Variants in SCHIP1 observed in about 807,000 individuals in gnomAD.
SCHIP1 encodes the protein schwannomin interacting protein 1.
In SCHIP1, 8 loss-of-function variants were observed where a neutral mutation model predicts 29.7. The ratio of observed to expected loss-of-function variants is 0.27; its 90% CI spans 0.16 to 0.49. The LOEUF is 0.49. SCHIP1 is among the 20% of genes least tolerant of loss of function. The pLI is 0.99. For synonymous variants in SCHIP1, 76 were observed against 94.9 expected, an observed-to-expected ratio of 0.80 and a Z score of 1.16; for missense variants, 193 against 294.6, an observed-to-expected ratio of 0.66 and a Z score of 2.52.
the SCHIP1 span, among the ~76,000 whole-genome samples, chr3:159,671,217 C>T: frequency 6.6e-6 from 1 of 152,158 alleles, no homozygotes; most frequent in African/African-American, 2.4e-5. Context: ...CATTTTTGCA[C>T]AACCTATTCT....
At chr3:159,411,868 T>C in the SCHIP1 span, among the ~76,000 whole-genome samples, 3 of 152,176 alleles carry the variant, frequency 2.0e-5, no homozygotes, top group East Asian at 5.8e-4. Flanking sequence ...AGACCAATAT[T>C]GTGATATATT....
chr3:159,348,629 G>A, the SCHIP1 span, among the ~76,000 whole-genome samples: 7 of 151,984 alleles, frequency 4.6e-5, no homozygotes, highest in South Asian at 4.1e-4. Flanking sequence ...TATATATTCC[G>A]TCAGAAATGC....
chr3:159,527,590 T>C, the SCHIP1 span, among the ~76,000 whole-genome samples: 9 of 152,232 alleles, frequency 5.9e-5, no homozygotes, highest in Admixed American at 4.6e-4. Flanking sequence ...TATAAGACTA[T>C]TAGAAGCTTT....
the SCHIP1 span, among the ~76,000 whole-genome samples, chr3:159,610,439 G>A: frequency 2.6e-5 from 4 of 152,034 alleles, no homozygotes; most frequent in African/African-American, 7.2e-5. Context: ...TTTCCAAGTC[G>A]GATTCAATAT....
At chr3:159,368,895 A>G in the SCHIP1 span, among the ~76,000 whole-genome samples, 4 of 152,222 alleles carry the variant, frequency 2.6e-5, no homozygotes, top group Non-Finnish European at 5.9e-5. Flanking sequence ...GAGTGTAACC[A>G]AATTAATACA....
At chr3:159,381,010 G>A in the SCHIP1 span, among the ~76,000 whole-genome samples, 1 of 152,196 alleles carries the variant, frequency 6.6e-6, no homozygotes, top group Non-Finnish European at 1.5e-5. Context: ...GCAAATAAGT[G>A]TCACCTTCAT....
At chr3:159,854,057 T>C (rs1472967703) in intron 1 of SCHIP1, among the ~76,000 whole-genome samples, 1 of 152,210 alleles carries the variant, frequency 6.6e-6, no homozygotes, top group Non-Finnish European at 1.5e-5. Context: ...TACAAGTATA[T>C]GCTTATCTGT....
At chr3:159,647,052 G>T in the SCHIP1 span, among the ~76,000 whole-genome samples, 1 of 152,024 alleles carries the variant, frequency 6.6e-6, no homozygotes, top group Non-Finnish European at 1.5e-5. Flanking sequence ...TAGGAGATAA[G>T]GTAACCGAAA....
At chr3:159,591,548 G>GA in the SCHIP1 span, among the ~76,000 whole-genome samples, 1 of 152,142 alleles carries the variant, frequency 6.6e-6, no homozygotes, top group African/African-American at 2.4e-5. Flanking sequence ...ACTGGATACA[G>GA]AAAATGTGGC....
rs1409032229 is a variant in SCHIP1 at position 159,887,914 on chromosome 3, C to T, written c.465+9C>T. 2.5e-6 allele frequency: 4 copies of T among 1,613,712 alleles called. No individual in the cohort carries two copies. The highest frequency in any genetic ancestry group is 1.7e-5 in the Admixed American group (1 of 59,970). ...CTCCCGTCGCTGATCTTGTAAGCAGCAAAGGCTGAAATGCAAGGAAGTGTT... is the reference window on the plus strand; with the variant it reads ...CTCCCGTCGCTGATCTTGTAAGCAGTAAAGGCTGAAATGCAAGGAAGTGTT... On this transcript the variant is annotated intron_variant, in intron 4 of 6. Transcript: ENST00000445224.
the SCHIP1 span, among the ~76,000 whole-genome samples, chr3:159,500,649 G>A: frequency 6.6e-6 from 1 of 151,760 alleles, no homozygotes; most frequent in African/African-American, 2.4e-5. Context: ...GGGAGGCAGA[G>A]CTTGCAGTGA....
chr3:159,394,698 G>C, the SCHIP1 span, among the ~76,000 whole-genome samples: 1 of 152,134 alleles, frequency 6.6e-6, no homozygotes, highest in Non-Finnish European at 1.5e-5. Flanking sequence ...TTTTTGATGT[G>C]CTGCTGGATT....
chr3:159,481,894 CG>C, the SCHIP1 span, among the ~76,000 whole-genome samples: 1 of 151,990 alleles, frequency 6.6e-6, no homozygotes, highest in African/African-American at 2.4e-5. Flanking sequence ...TTCAGAAAAT[CG>C]GGCAGAGTGG....
the SCHIP1 span, among the ~76,000 whole-genome samples, chr3:159,548,109 TTA>T: frequency 2.0e-5 from 3 of 152,120 alleles, no homozygotes; most frequent in Non-Finnish European, 4.4e-5. Context: ...AGATTTATGT[TTA>T]TGAGTAAGTT....
chr3:159,611,611 G>A, the SCHIP1 span, among the ~76,000 whole-genome samples: 1 of 152,076 alleles, frequency 6.6e-6, no homozygotes, highest in African/African-American at 2.4e-5. Flanking sequence ...ACGGGTTGAT[G>A]GGTGCAGGAA....
At chr3:159,867,608 C>G (rs1714754200) in intron 2 of SCHIP1, among the ~76,000 whole-genome samples, 1 of 152,150 alleles carries the variant, frequency 6.6e-6, no homozygotes, top group Non-Finnish European at 1.5e-5. Context: ...AGAACATTCC[C>G]TTGTGTTCCT....
intron 2 of SCHIP1, 61 bp downstream of exon 3, chr3:159,866,342 T>C: frequency 6.8e-7 from 1 of 1,465,828 alleles, no homozygotes; most frequent in South Asian, 1.3e-5. Flanking sequence ...CACTTGACTA[T>C]TCTAATAAAA....
the SCHIP1 span, among the ~76,000 whole-genome samples, chr3:159,828,602 C>T: frequency 6.6e-6 from 1 of 150,830 alleles, no homozygotes; most frequent in East Asian, 1.9e-4. Flanking sequence ...TAATACTATC[C>T]CAAACAGATT....
At chr3:159,402,926 T>TATAATAATA in the SCHIP1 span, among the ~76,000 whole-genome samples, 970 of 151,406 alleles carry the variant, frequency 6.4e-3, 8 homozygotes, top group South Asian at 0.03. Flanking sequence ...AAACTTAAAG[T>TATAATAATA]ATAATAATAA....
Sources: gnomAD v4.1 joint callset for allele counts (sites outside exome capture counted in the v4.1 genomes callset) on GRCh38, gnomAD v4.1.1 for gene constraint, MANE v1.5 for transcripts, NCBI Gene and HGNC (gene_info 2026-07-23, HGNC 2026-07-21) for gene names.